Variants in CFAP46 observed in about 807,000 individuals in gnomAD.
The protein encoded by CFAP46 is cilia and flagella associated protein 46.
Under a neutral mutation model 325.7 loss-of-function variants are expected in CFAP46, and 245 were observed. That is an observed-to-expected ratio of 0.75 (90% CI 0.68 to 0.84). The LOEUF is 0.84. Among genes scored for constraint, CFAP46 ranks in the 40% least tolerant of loss-of-function variants. CFAP46 has a pLI of 0.00. For synonymous variants in CFAP46, 1,523 were observed against 1,495.9 expected (o/e 1.02, Z -0.42); for missense variants, 3,346 against 3,543.0 (o/e 0.94, Z 1.41).
chr10:132,837,081 T>G, intron 44 of CFAP46, 167 bp from the exon 45 acceptor site: 1 of 573,422 alleles, frequency 1.7e-6, no homozygotes, highest in Non-Finnish European at 3.1e-6. Context: ...TGGAAGTGAC[T>G]CGGGGCTGCC....
chr10:132,878,649 G>A (rs1037645608), intron 29 of CFAP46, among the ~76,000 whole-genome samples: 1 of 152,186 alleles, frequency 6.6e-6, no homozygotes, highest in African/African-American at 2.4e-5. Context: ...TGGCAGCGTG[G>A]GCGCCCACAG....
chr10:132,818,800 G>C (rs2134805678), intron 50 of CFAP46, among the ~76,000 whole-genome samples: 1 of 151,470 alleles, frequency 6.6e-6, no homozygotes, highest in East Asian at 1.9e-4. Context: ...GTTGCAGTGA[G>C]CCGAGATTGC....
At chr10:132,925,732 C>T (rs943695840) in intron 10 of CFAP46, among the ~76,000 whole-genome samples, 2 of 152,252 alleles carry the variant, frequency 1.3e-5, no homozygotes, top group African/African-American at 4.8e-5. Flanking sequence ...ACAGCGGCAT[C>T]GGCACCCGCC....
rs1467443956 is a variant in CFAP46, at chr10:132,936,955, A to T, written c.755+6T>A. The T allele has an allele frequency of 2.6e-6, 4 of 1,511,838 alleles. No individual in the cohort carries two copies. Among genetic ancestry groups the T allele is most frequent in the African/African-American group, 2.7e-5 (2 of 72,884 alleles). 93.7% of individuals were successfully genotyped at this position (1,511,838 alleles called of 1,614,324 possible). A position where few individuals can be genotyped will look rare whatever the true frequency, so the allele number is the denominator to read the frequency against. ...AGTATTTGCTCTCCCTCCCAAAACG[A>T]CTTACGCCTTTAGCATATTAATATA... On this transcript the variant is annotated splice_donor_region_variant and intron_variant, in intron 7 of 57. Coordinates refer to ENST00000368586, the MANE Select transcript of CFAP46 (RefSeq NM_001200049.3).
chr10:132,857,914 T>C (rs185101278), intron 38 of CFAP46, 126 bp from the exon 39 acceptor site: 9,483 of 809,512 alleles, frequency 0.012, 132 homozygotes, highest in Middle Eastern at 0.048. Context: ...ATAGCTAACA[T>C]GTAAAGACAT....
chr10:132,891,252 C>T lies in CFAP46; in HGVS notation c.3304+1081G>A, dbSNP rs190697414. The stretch of plus-strand genomic sequence containing the variant: ...AAAATAACATTCTAAGCCCCCCAAC[C>T]GACTGAATGGGCCCTCCTCTCGGCC... On this transcript the variant is annotated intron_variant, in intron 25 of 57. Transcript: ENST00000368586. 1.4e-4 allele frequency among the ~76,000 whole-genome samples: 22 copies of T among 152,294 alleles called. No homozygotes were observed. In the East Asian group the frequency reaches 3.5e-3, roughly 24 times the overall value.
chr10:132,860,642 GT>G, intron 36 of CFAP46, 119 bp from the exon 37 acceptor site: 1 of 1,178,846 alleles, frequency 8.5e-7, no homozygotes, highest in East Asian at 2.6e-5. Context: ...GTAGATACGG[GT>G]GTGTCTGAGG....
chr10:132,922,162 G>T lies in CFAP46; in HGVS notation c.1548C>A (p.Gly516=). The change falls in exon 13 of 58, where the codon GGC becomes GGA. Residue 516 remains glycine (G), a synonymous_variant. Transcript: ENST00000368586. ...GAAACGCGTCAGGGGCTAAGGCCAG[G>T]CCTGCATTCACCAGGAGGGCCCGCT... ...RKKRALLVNA[G]LALAPDAFQI... is the part of the protein sequence containing the mutation. 6.4e-7 allele frequency: 1 copy of T among 1,550,452 alleles called. No individual in the cohort carries two copies.
chr10:132,918,669 AGCTT>A, intron 15 of CFAP46, 149 bp from the exon 16 acceptor site: 1 of 1,064,470 alleles, frequency 9.4e-7, no homozygotes, highest in Non-Finnish European at 1.3e-6. Context: ...GGAGGTGGGC[AGCTT>A]GCCCAGGAAG....
At position 132,867,421 on chromosome 10, in the gene CFAP46, A is replaced by G; in HGVS notation, c.4697T>C (p.Leu1566Pro). ...ESLPALNEQT[L>P]PVQPGEIKPL... is the part of the protein sequence containing the mutation. ...TTTGATCTCCCCAGGCTGGACAGGAAGTGTCTGCTCATTCAGTGCTGGCAG... is the reference window on the plus strand; with the variant it reads ...TTTGATCTCCCCAGGCTGGACAGGAGGTGTCTGCTCATTCAGTGCTGGCAG... Residue 1566 changes from leucine to proline, a missense_variant, in exon 34 of 58, where the codon CTT (leucine) becomes CCT (proline). Coordinates refer to ENST00000368586, the MANE Select transcript of CFAP46 (RefSeq NM_001200049.3). 6.4e-7 allele frequency: 1 copy of G among 1,550,572 alleles called. No individual in the cohort carries two copies. Among genetic ancestry groups the G allele is most frequent in the Non-Finnish European group, 8.7e-7 (1 of 1,146,994 alleles).
In CFAP46 at chr10:132,821,542, G is replaced by C. The variant is rs1342856092; in HGVS notation, c.7118-6628C>G. ...GCTGTGTGCTGATGTGTGCTGATGT[G>C]TGCTGTGTGCTGACGTGTGCTGTGT... On this transcript the variant is annotated intron_variant, in intron 50 of 57. Coordinates refer to ENST00000368586, the MANE Select transcript of CFAP46 (RefSeq NM_001200049.3). Among the ~76,000 whole-genome samples the C allele has an allele frequency of 4.5e-4, 60 of 134,358 alleles. 1 individual carries two copies. Among genetic ancestry groups the C allele is most frequent in the African/African-American group, 1.6e-3 (56 of 33,958 alleles). 88.1% of individuals were successfully genotyped at this position (134,358 alleles called of 152,430 possible).
intron 6 of CFAP46, 84 bp from the exon 7 acceptor site, chr10:132,937,139 C>T: frequency 1.2e-6 from 1 of 804,300 alleles, no homozygotes; most frequent in Non-Finnish European, 1.8e-6. Context: ...TTTATTTTCT[C>T]ATTAATTTTG....
chr10:132,927,507 G>A (rs560908957), intron 9 of CFAP46, among the ~76,000 whole-genome samples: 14 of 152,330 alleles, frequency 9.2e-5, no homozygotes, highest in South Asian at 4.1e-4. Flanking sequence ...TCTGGGCCTC[G>A]GTGCCGGCCA....
intron 19 of CFAP46, among the ~76,000 whole-genome samples, chr10:132,911,826 G>A (rs1391636712): frequency 8.6e-5 from 13 of 151,934 alleles, no homozygotes; most frequent in Admixed American, 6.5e-5. Context: ...GTTCCAATCC[G>A]CCGTTTCTGG....
rs1460794637 is a variant in CFAP46 at position 132,909,939 on chromosome 10, G to A, written c.2629C>T (p.Arg877Trp). 6.6e-6 allele frequency: 10 copies of A among 1,511,898 alleles called. No individual in the cohort carries two copies. The highest frequency in any genetic ancestry group is 2.0e-4 in the Middle Eastern group (1 of 5,082). 93.7% of individuals were successfully genotyped at this position (1,511,898 alleles called of 1,614,324 possible). A position where few individuals can be genotyped will look rare whatever the true frequency, so the allele number is the denominator to read the frequency against. The change falls in exon 20 of 58, where the codon CGG (arginine) becomes TGG (tryptophan). Residue 877 changes from arginine (R) to tryptophan (W), a missense_variant. By Grantham distance (101) the Arg-to-Trp change is moderately radical. Coordinates refer to ENST00000368586, the MANE Select transcript of CFAP46 (RefSeq NM_001200049.3). The stretch of plus-strand genomic sequence containing the variant: ...CCCACCTGCTCCTCGGTGCCCAGCC[G>A]TGGCCCAATCTGCTGCTGCAGCAGC... ...KQLLQQQIGP[R>W]LGTEEQGTNE...
At chr10:132,810,921 C>A in intron 56 of CFAP46, 29 bp downstream of exon 56, 1 of 1,561,664 alleles carries the variant, frequency 6.4e-7, no homozygotes, top group East Asian at 2.4e-5. Flanking sequence ...CTCAGCATCC[C>A]TGCCCACCCG....
At position 132,836,235 on chromosome 10, in the gene CFAP46, G is replaced by C; in HGVS notation, c.6537-17C>G. 1 of 1,610,348 alleles carries C rather than the reference G, an allele frequency of 6.2e-7. No individual in the cohort carries two copies. Among genetic ancestry groups the C allele is most frequent in the Non-Finnish European group, 8.5e-7 (1 of 1,179,340 alleles). ...AGACGGGACCTGCTGGCAGGACGTG[G>C]GCCAGGGTCGCAGGCAAGCCATGAA... On this transcript the variant is annotated splice_polypyrimidine_tract_variant and intron_variant, in intron 45 of 57. Coordinates refer to ENST00000368586, the MANE Select transcript of CFAP46 (RefSeq NM_001200049.3).
intron 39 of CFAP46, 62 bp from the exon 40 acceptor site, chr10:132,851,367 C>T (rs1848541941): frequency 6.5e-7 from 1 of 1,530,444 alleles, no homozygotes. Flanking sequence ...ATCTACATCC[C>T]CACAACTTGG....
Position 132,846,042 on chromosome 10 carries a change from T to C in CFAP46, c.6438+15A>G. 1 of 1,596,838 alleles carries C rather than the reference T, an allele frequency of 6.3e-7. No homozygotes were observed. On this transcript the variant is annotated intron_variant, in intron 44 of 57. Coordinates refer to ENST00000368586, the MANE Select transcript of CFAP46 (RefSeq NM_001200049.3). ...AGAGCTGGGGGCAGGTTCAGCGGCA[T>C]CCGTGCCCGCTTACCTTGGACACGG...
Sources: allele counts gnomAD v4.1 joint callset (sites outside exome capture counted in the v4.1 genomes callset), GRCh38; gene constraint gnomAD v4.1.1; transcripts MANE v1.5; gene names NCBI Gene and HGNC (gene_info 2026-07-23, HGNC 2026-07-21).